RASA3: variants seen among roughly 807,000 people sequenced by gnomAD.
RASA3 encodes the protein RAS p21 protein activator 3, also known as ras GTPase-activating protein 3.
In RASA3, 73 loss-of-function variants were observed where a neutral mutation model predicts 110.0. The observed-to-expected ratio is 0.66, with a 90% confidence interval of 0.55 to 0.81. The LOEUF (loss-of-function observed/expected upper bound fraction) is 0.81, where lower values mean the gene tolerates loss of function less well. Among genes scored for constraint, RASA3 ranks in the 30% least tolerant of loss-of-function variants. The pLI is 0.00. For synonymous variants in RASA3, 500 were observed against 451.4 expected (o/e 1.11, Z -1.37); for missense variants, 976 against 1,113.2 (o/e 0.88, Z 1.75).
In RASA3 at chr13:114,014,106, G is replaced by C. The variant is rs907687201; in HGVS notation, c.1406-858C>G. ...TCTGCCTCTCTCTCCGTCTCTCCCT[G>C]TCTCTCTCTCTCTCTCCTTGTCTCT... is the stretch of plus-strand genomic sequence containing the variant. On this transcript the variant is annotated intron_variant, in intron 14 of 23. Coordinates refer to ENST00000334062, the MANE Select transcript of RASA3 (RefSeq NM_007368.4). The surrounding 1 kb of genome is among the most constrained non-coding windows in gnomAD (Gnocchi z 4.5). Among the ~76,000 whole-genome samples, 11 of 130,788 alleles carry C rather than the reference G, an allele frequency of 8.4e-5. No homozygotes were observed. The highest frequency in any genetic ancestry group is 1.7e-4 in the Non-Finnish European group (10 of 60,174). 85.8% of individuals were successfully genotyped at this position (130,788 alleles called of 152,430 possible).
Position 114,073,792 on chromosome 13 carries a change from C to T in RASA3, c.101G>A (p.Arg34Lys), listed in dbSNP as rs1220565464. 1 of 1,614,222 alleles carries T rather than the reference C, an allele frequency of 6.2e-7. No individual in the cohort carries two copies. The highest frequency in any genetic ancestry group is 1.7e-5 in the Admixed American group (1 of 60,030). Residue 34 changes from arginine (R) to lysine (K), a missense_variant, in exon 2 of 24, where the codon AGG becomes AAG. Arg to Lys is a conservative substitution (Grantham distance 26, BLOSUM62 2). This residue lies in a region of RASA3 where 732 missense variants were observed against 779.7 expected (regional missense o/e 0.94). Coordinates refer to ENST00000334062, the MANE Select transcript of RASA3 (RefSeq NM_007368.4). ...LPSYPGPSKM[R>K]DCYCTVNLDQ... ...CAGGTTCACCGTGCAGTAGCAATCC[C>T]TCATCTTGCTCGGCCCCGGGTAAGA...
chr13:114,031,244 C>T (rs749324216), intron 4 of RASA3, among the ~76,000 whole-genome samples: 6 of 149,076 alleles, frequency 4.0e-5, no homozygotes, highest in African/African-American at 1.0e-4. Context: ...TGTGTGCACA[C>T]GGCTGTGTGT....
chr13:114,035,167 T>C (rs1051497277), intron 4 of RASA3, among the ~76,000 whole-genome samples: 6 of 152,034 alleles, frequency 3.9e-5, no homozygotes, highest in African/African-American at 7.3e-5. Context: ...CGGAAACCAA[T>C]AGGTAAAAAT....
intron 1 of RASA3, among the ~76,000 whole-genome samples, chr13:114,110,639 A>G (rs2080204779): frequency 1.3e-5 from 2 of 152,168 alleles, no homozygotes; most frequent in African/African-American, 4.8e-5. Flanking sequence ...ATCAGCAACA[A>G]ACACAACAAG....
At chr13:114,054,386 A>G (rs559495811) in intron 2 of RASA3, among the ~76,000 whole-genome samples, 1 of 152,312 alleles carries the variant, frequency 6.6e-6, no homozygotes, top group Non-Finnish European at 1.5e-5. Context: ...ACCAGGAGAT[A>G]CGGCACAGGC....
chr13:114,132,369 G>A, intron 1 of RASA3, 66 bp downstream of exon 1: 1 of 1,408,974 alleles, frequency 7.1e-7, no homozygotes, highest in Non-Finnish European at 9.3e-7. Flanking sequence ...GCGGAGGGGA[G>A]GCGGGCGCGG....
At chr13:114,073,611 C>A in intron 2 of RASA3, 109 bp downstream of exon 2, 2 of 910,370 alleles carry the variant, frequency 2.2e-6, no homozygotes, top group East Asian at 2.4e-5. Flanking sequence ...CGTACACGCT[C>A]GGGACGTTCT....
intron 18 of RASA3, among the ~76,000 whole-genome samples, chr13:114,005,781 CCT>C (rs2053503808): frequency 9.1e-5 from 9 of 98,406 alleles, no homozygotes; most frequent in South Asian, 6.7e-4. Context: ...CCTTCTCCCC[CCT>C]CCTGCCCTGC....
chr13:114,055,026 G>A (rs1210665627), intron 2 of RASA3, among the ~76,000 whole-genome samples: 1 of 152,156 alleles, frequency 6.6e-6, no homozygotes, highest in South Asian at 2.1e-4. Flanking sequence ...CCACAGGCAT[G>A]TGTGTGGGTG....
rs779433048 is a variant in RASA3, at chr13:114,017,791, G to A, written c.1091+313C>T. 4.8e-4 allele frequency among the ~76,000 whole-genome samples: 73 copies of A among 152,316 alleles called. 1 individual carries two copies. The highest frequency in any genetic ancestry group is 1.7e-3 in the African/African-American group (69 of 41,564). On this transcript the variant is annotated intron_variant, in intron 11 of 23. Coordinates refer to ENST00000334062, the MANE Select transcript of RASA3 (RefSeq NM_007368.4). ...GAAACAGCACTAGGCAGGTCCTGAGGGAAGCTGTGCTCCATTTTTGTGGGC... is the reference window on the plus strand; with the variant it reads ...GAAACAGCACTAGGCAGGTCCTGAGAGAAGCTGTGCTCCATTTTTGTGGGC...
At chr13:113,998,537 G>A (rs1166818747) in intron 20 of RASA3, among the ~76,000 whole-genome samples, 1 of 152,192 alleles carries the variant, frequency 6.6e-6, no homozygotes, top group African/African-American at 2.4e-5. Context: ...TCAGGGTACG[G>A]GGTCAGCCTC....
chr13:114,027,522 T>G (rs2054049097), intron 6 of RASA3, 61 bp from the exon 7 acceptor site: 2 of 1,325,602 alleles, frequency 1.5e-6, no homozygotes, highest in Admixed American at 1.8e-5. Flanking sequence ...AGTCTCTCAG[T>G]GGTAAAACCG....
chr13:114,015,213 G>A lies in RASA3; in HGVS notation c.1401C>T (p.Phe467=). 1 of 1,612,964 alleles carries A rather than the reference G, an allele frequency of 6.2e-7. No homozygotes were observed. The highest frequency in any genetic ancestry group is 8.5e-7 in the Non-Finnish European group (1 of 1,179,964). ...FSLREAAAKR[F]QDDPDVRYTA... ...GAGGGTGTTCAGGGCACTCACCCTG[G>A]AAGCGCTTGGCCGCCGCCTCCCGGA... Residue 467 remains phenylalanine (F), a synonymous_variant, in exon 14 of 24, where the codon TTC becomes TTT. Coordinates refer to ENST00000334062, the MANE Select transcript of RASA3 (RefSeq NM_007368.4).
intron 4 of RASA3, among the ~76,000 whole-genome samples, chr13:114,030,168 A>G (rs61973876): frequency 0.14 from 20,743 of 152,294 alleles, 1,788 homozygotes; most frequent in Middle Eastern, 0.22. Context: ...TGAGGGGTCC[A>G]ACCGTGTAGG....
intron 4 of RASA3, among the ~76,000 whole-genome samples, chr13:114,031,195 G>A (rs558981653): frequency 6.6e-6 from 1 of 151,652 alleles, no homozygotes; most frequent in Admixed American, 6.6e-5. Flanking sequence ...ATGTGGCTAT[G>A]TGTCTGTGTG....
intron 3 of RASA3, among the ~76,000 whole-genome samples, chr13:114,046,326 C>T (rs1277651492): frequency 6.6e-6 from 1 of 152,126 alleles, no homozygotes; most frequent in Non-Finnish European, 1.5e-5. Flanking sequence ...TGGAAGAAAA[C>T]AGTTTTATGG....
At chr13:114,036,434 C>T (rs1463294934) in intron 4 of RASA3, among the ~76,000 whole-genome samples, 1 of 152,238 alleles carries the variant, frequency 6.6e-6, no homozygotes, top group Admixed American at 6.5e-5. Flanking sequence ...CGGAGGGACT[C>T]ATGGAGCCAC....
chr13:114,031,647 G>A (rs1022411624), intron 4 of RASA3, among the ~76,000 whole-genome samples: 8 of 152,282 alleles, frequency 5.3e-5, no homozygotes, highest in East Asian at 1.9e-4. Flanking sequence ...GTGTGTGTGC[G>A]GCTATGTGTG....
intron 2 of RASA3, among the ~76,000 whole-genome samples, chr13:114,060,821 T>C (rs961399460): frequency 6.6e-6 from 1 of 152,192 alleles, no homozygotes; most frequent in Non-Finnish European, 1.5e-5. Flanking sequence ...TCACCTTCCC[T>C]GAGGCTCCCT....
Sources: allele counts gnomAD v4.1 joint callset (sites outside exome capture counted in the v4.1 genomes callset), GRCh38; gene constraint gnomAD v4.1.1; regional missense constraint gnomAD v4.1.1; non-coding constraint Gnocchi (gnomAD v3.1); transcripts MANE v1.5; gene names NCBI Gene and HGNC (gene_info 2026-07-23, HGNC 2026-07-21).